Variants in CEP350 observed in about 807,000 individuals in gnomAD.
The protein encoded by CEP350 is centrosomal protein 350.
CEP350 carries 126 observed loss-of-function variants against 331.8 expected under a neutral mutation model. The observed-to-expected ratio is 0.38, with a 90% CI of 0.33 to 0.44. The LOEUF is 0.44. Ranked by LOEUF, CEP350 falls within the 20% of genes least tolerant of loss-of-function variation. The pLI is 1.00. For missense variants in CEP350, 3,406 were observed against 3,634.6 expected (o/e 0.94, Z 1.62); for synonymous variants, 1,200 against 1,259.5 (o/e 0.95, Z 1.00).
chr1:180,040,847 A>G (rs995204476), intron 17 of CEP350, among the ~76,000 whole-genome samples: 2 of 152,132 alleles, frequency 1.3e-5, no homozygotes, highest in African/African-American at 4.8e-5. Context: ...CCTTCCAAAA[A>G]GTTGGGTGCT....
intron 1 of CEP350, among the ~76,000 whole-genome samples, chr1:179,980,460 C>T (rs2148643496): frequency 6.6e-6 from 1 of 151,778 alleles, no homozygotes; most frequent in East Asian, 1.9e-4. Context: ...TTGGGATTTC[C>T]TATATGTATG....
At chr1:180,021,627 C>T (rs1469773830) in intron 12 of CEP350, among the ~76,000 whole-genome samples, 1 of 151,452 alleles carries the variant, frequency 6.6e-6, no homozygotes, top group Non-Finnish European at 1.5e-5. Context: ...CACTGCACTC[C>T]AGCTTGGGCG....
rs142057657 is a variant in CEP350, at chr1:180,004,873, GGCTTGCTTGCTTGCTT to G, written c.1133-1560_1133-1545del. ...CAGAGCTTGGGCAGGCAGGCTGGCT[GGCTTGCTTGCTTGCTT>G]GCTTGCTTGCTTGCTTGCTTTCTTT... On this transcript the variant is annotated intron_variant, in intron 7 of 37. Coordinates refer to ENST00000367607, the MANE Select transcript of CEP350 (RefSeq NM_014810.5). Among the ~76,000 whole-genome samples the G allele has an allele frequency of 2.6e-3, 266 of 100,506 alleles. 14 individuals carry two copies. The highest frequency in any genetic ancestry group is 5.0e-3 in the Middle Eastern group (1 of 202). The allele number at this position is 100,506 out of a possible 152,430, so 65.9% of individuals were successfully genotyped here.
In CEP350 at chr1:180,093,041, A is replaced by G; in HGVS notation, c.6936A>G (p.Lys2312=). The change falls in exon 34 of 38, where the codon AAA becomes AAG. Residue 2312 remains lysine, a synonymous_variant. Transcript: ENST00000367607. The part of the protein sequence containing the change: ...DLPLDSENVQ[K]DLVGLAIENL... ...CTTTAGATTCTGAAAATGTTCAGAAAGACCTAGTTGGATTAGCTATTGAAA... is the reference window on the plus strand; with the variant it reads ...CTTTAGATTCTGAAAATGTTCAGAAGGACCTAGTTGGATTAGCTATTGAAA... 1 of 1,606,110 alleles carries G rather than the reference A, an allele frequency of 6.2e-7. No individual in the cohort carries two copies. The highest frequency in any genetic ancestry group is 1.1e-5 in the South Asian group (1 of 89,626).
At chr1:180,108,068 G>A (rs1661245106) in intron 37 of CEP350, among the ~76,000 whole-genome samples, 2 of 152,028 alleles carry the variant, frequency 1.3e-5, no homozygotes, top group Admixed American at 1.3e-4. Flanking sequence ...TCCAAATTGG[G>A]CTCTGAGCTT....
intron 26 of CEP350, among the ~76,000 whole-genome samples, chr1:180,062,842 T>G (rs1427307158): frequency 6.6e-6 from 1 of 152,228 alleles, no homozygotes; most frequent in Non-Finnish European, 1.5e-5. Flanking sequence ...TGTCTTAATG[T>G]TACAATGAGA....
In CEP350 at chr1:180,031,417, C is replaced by T. The variant is rs747133669; in HGVS notation, c.3648C>T (p.Ser1216=). ...AAGGAAAGAAATCTGGGACCAGCAG[C>T]AAACTTTCTGTTAAAGATTTTGAGC... ...SHQGKKSGTS[S]KLSVKDFEQT... The change falls in exon 15 of 38, where the codon AGC becomes AGT. Residue 1216 remains serine, a synonymous_variant. Coordinates refer to ENST00000367607, the MANE Select transcript of CEP350 (RefSeq NM_014810.5). 8 of 1,604,924 alleles carry T rather than the reference C, an allele frequency of 5.0e-6. No individual in the cohort carries two copies. The South Asian group carries it at 6.7e-5, about 13-fold the overall frequency.
rs749184748 is a variant in CEP350 at position 180,048,612 on chromosome 1, G to A, written c.4699G>A (p.Glu1567Lys). 6.2e-7 allele frequency: 1 copy of A among 1,610,334 alleles called. No homozygotes were observed. The highest frequency in any genetic ancestry group is 8.5e-7 in the Non-Finnish European group (1 of 1,176,636). ...CKENEKKLNGEKIESSIDEQV... is the reference protein window; with the variant it reads ...CKENEKKLNGKKIESSIDEQV... Reference sequence around the variant, plus strand: ...GGAAAATGAGAAGAAACTTAATGGTGAAAAGATAGAGAGTTCCATTGATGA... The same window carrying A: ...GGAAAATGAGAAGAAACTTAATGGTAAAAAGATAGAGAGTTCCATTGATGA... Residue 1567 changes from glutamate to lysine, a missense_variant, in exon 22 of 38, where the codon GAA becomes AAA. Glu to Lys is a moderately conservative substitution (Grantham distance 56, BLOSUM62 1). Coordinates refer to ENST00000367607, the MANE Select transcript of CEP350 (RefSeq NM_014810.5).
At chr1:179,996,403 CT>C (rs761179917) in intron 5 of CEP350, 149 bp from the exon 6 acceptor site, 32 of 608,206 alleles carry the variant, frequency 5.3e-5, no homozygotes, top group Non-Finnish European at 8.9e-5. Context: ...ATATGTATAC[CT>C]TGTGGAATGG....
intron 6 of CEP350, among the ~76,000 whole-genome samples, chr1:180,001,677 T>C (rs1400116892): frequency 6.6e-6 from 1 of 152,254 alleles, no homozygotes; most frequent in East Asian, 1.9e-4. Context: ...TTCCACACTT[T>C]GGACACAATT....
At position 179,992,338 on chromosome 1, in the gene CEP350, C is replaced by G. The variant is rs1239270675; in HGVS notation, c.395+117C>G. On this transcript the variant is annotated intron_variant, in intron 5 of 37. Coordinates refer to ENST00000367607, the MANE Select transcript of CEP350 (RefSeq NM_014810.5). The stretch of plus-strand genomic sequence containing the variant: ...ACTCTGGTTGTGAAATAGTATAATA[C>G]TCTAATATTACTACCTTTTTCATTC... 10 of 751,858 alleles carry G rather than the reference C, an allele frequency of 1.3e-5. No individual in the cohort carries two copies. The African/African-American group carries it at 1.7e-4, about 13-fold the overall frequency. 46.6% of individuals were successfully genotyped at this position (751,858 alleles called of 1,614,324 possible). A position where few individuals can be genotyped will look rare whatever the true frequency, so the allele number is the denominator to read the frequency against.
intron 1 of CEP350, among the ~76,000 whole-genome samples, chr1:179,962,925 T>C (rs1650739901): frequency 6.6e-6 from 1 of 152,210 alleles, no homozygotes; most frequent in Non-Finnish European, 1.5e-5. Context: ...TAATTTACAT[T>C]CCCACCAGCA....
chr1:180,041,086 G>A (rs1329409449), intron 17 of CEP350, 52 bp from the exon 18 acceptor site: 10 of 1,316,518 alleles, frequency 7.6e-6, no homozygotes, highest in Non-Finnish European at 1.1e-5. Context: ...TATAGTCACT[G>A]TGTTAAAATA....
intron 19 of CEP350, 59 bp from the exon 20 acceptor site, chr1:180,042,997 T>C: frequency 6.5e-7 from 1 of 1,547,096 alleles, no homozygotes; most frequent in East Asian, 2.3e-5. Flanking sequence ...ATGCTCCTTC[T>C]CAGTTCTCTG....
chr1:180,099,807 A>G (rs1660698968), intron 37 of CEP350, among the ~76,000 whole-genome samples: 2 of 121,404 alleles, frequency 1.6e-5, no homozygotes, highest in Admixed American at 1.9e-4. Context: ...TTTTTTTGAG[A>G]CACAGTCTCG....
intron 27 of CEP350, 39 bp from the exon 28 acceptor site, chr1:180,074,983 G>GT (rs777459389): frequency 1.7e-5 from 27 of 1,549,466 alleles, no homozygotes; most frequent in African/African-American, 8.3e-5. Context: ...CTGCATATAG[G>GT]TTTTTTCTCT....
chr1:180,006,388 G>T, intron 7 of CEP350, 66 bp from the exon 8 acceptor site: 2 of 818,768 alleles, frequency 2.4e-6, no homozygotes, highest in Non-Finnish European at 4.1e-6. Context: ...TTTTTCCTAT[G>T]GGCGGAGGAT....
At chr1:180,036,537 G>A (rs747377524) in intron 16 of CEP350, among the ~76,000 whole-genome samples, 1 of 152,140 alleles carries the variant, frequency 6.6e-6, no homozygotes, top group African/African-American at 2.4e-5. Flanking sequence ...ATTGAGGTAC[G>A]ACCTTCCACC....
chr1:179,996,707 T>C lies in CEP350; in HGVS notation c.550T>C (p.Ser184Pro). 1 of 1,613,628 alleles carries C rather than the reference T, an allele frequency of 6.2e-7. No individual in the cohort carries two copies. Among genetic ancestry groups the C allele is most frequent in the Non-Finnish European group, 8.5e-7 (1 of 1,179,746 alleles). ...TATACGGAGCTGTGATTTTGAGAGCTCCCAATCATCTGTCATCAATGATAC... is the reference window on the plus strand; with the variant it reads ...TATACGGAGCTGTGATTTTGAGAGCCCCCAATCATCTGTCATCAATGATAC... ...RNIRSCDFES[S>P]QSSVINDTVV... The change falls in exon 6 of 38, where the codon TCC (serine) becomes CCC (proline). Residue 184 changes from serine (S) to proline (P), a missense_variant. Ser to Pro is a moderately conservative substitution (Grantham distance 74, BLOSUM62 -1). Transcript: ENST00000367607.
Sources: allele counts gnomAD v4.1 joint callset (sites outside exome capture counted in the v4.1 genomes callset), GRCh38; gene constraint gnomAD v4.1.1; transcripts MANE v1.5; gene names NCBI Gene and HGNC (gene_info 2026-07-23, HGNC 2026-07-21).